Variants in NXPE4 observed in about 807,000 individuals in gnomAD.
NXPE4 encodes neurexophilin and PC-esterase domain family member 4, also known as NXPE family member 4.
Under a neutral mutation model 33.3 loss-of-function variants are expected in NXPE4, and 42 were observed. The observed-to-expected ratio is 1.26, with a 90% confidence interval of 0.98 to 1.63. The LOEUF (loss-of-function observed/expected upper bound fraction) is 1.63, where lower values mean the gene tolerates loss of function less well. Ranked by LOEUF, NXPE4 falls within the 40% of genes most tolerant of loss-of-function variation. The pLI is 0.00. For synonymous variants in NXPE4, 253 were observed against 234.9 expected (o/e 1.08, Z -0.71); for missense variants, 709 against 647.6 (o/e 1.09, Z -1.03).
the NXPE4 span, among the ~76,000 whole-genome samples, chr11:114,674,543 T>A: frequency 6.7e-6 from 1 of 149,428 alleles, no homozygotes; most frequent in Non-Finnish European, 1.5e-5. Context: ...GTAGATAACA[T>A]GAAAGATAAG....
chr11:114,651,452 T>C, the NXPE4 span, among the ~76,000 whole-genome samples: 3 of 152,140 alleles, frequency 2.0e-5, no homozygotes, highest in Non-Finnish European at 1.5e-5. Flanking sequence ...ATAAAGGTAG[T>C]GTGGACCCAA....
At chr11:114,654,172 C>T in the NXPE4 span, among the ~76,000 whole-genome samples, 1 of 152,064 alleles carries the variant, frequency 6.6e-6, no homozygotes, top group Non-Finnish European at 1.5e-5. Context: ...ATTGAAGTCT[C>T]TTTATCACTG....
chr11:114,633,372 T>C, the NXPE4 span, among the ~76,000 whole-genome samples: 1 of 143,998 alleles, frequency 6.9e-6, no homozygotes, highest in Non-Finnish European at 1.5e-5. Context: ...CTATATAATA[T>C]ATTATGTATT....
At chr11:114,653,594 C>T in the NXPE4 span, among the ~76,000 whole-genome samples, 1 of 139,302 alleles carries the variant, frequency 7.2e-6, no homozygotes, top group African/African-American at 2.7e-5. Context: ...GTGGCACGAT[C>T]TCGGCTCACT....
At chr11:114,640,193 TTATA>T in the NXPE4 span, among the ~76,000 whole-genome samples, 32 of 133,236 alleles carry the variant, frequency 2.4e-4, no homozygotes, top group Non-Finnish European at 4.3e-4. Context: ...TATATATAAT[TTATA>T]TATATTATAT....
chr11:114,653,002 CTG>C, the NXPE4 span, among the ~76,000 whole-genome samples: 1 of 152,152 alleles, frequency 6.6e-6, no homozygotes. Context: ...TTTGCAACCT[CTG>C]TGTAAAATCT....
At chr11:114,637,147 C>T in the NXPE4 span, among the ~76,000 whole-genome samples, 5,910 of 151,624 alleles carry the variant, frequency 0.039, 190 homozygotes, top group Middle Eastern at 0.092. Flanking sequence ...CTAGGTGCTC[C>T]TGTATTGGGT....
chr11:114,638,653 C>T, the NXPE4 span, among the ~76,000 whole-genome samples: 1 of 152,006 alleles, frequency 6.6e-6, no homozygotes, highest in African/African-American at 2.4e-5. Flanking sequence ...GTGTGGATGT[C>T]CTTTCTGTTT....
intron 2 of NXPE4, among the ~76,000 whole-genome samples, chr11:114,588,243 C>T (rs2135266955): frequency 6.6e-6 from 1 of 152,270 alleles, no homozygotes; most frequent in East Asian, 1.9e-4. Context: ...CTCCAAAACT[C>T]CCCACTCCCC....
At chr11:114,579,608 G>A (rs985934721) in intron 5 of NXPE4, among the ~76,000 whole-genome samples, 2 of 152,160 alleles carry the variant, frequency 1.3e-5, no homozygotes, top group African/African-American at 2.4e-5. Context: ...GAGAAGTTAT[G>A]TAAGAAACAA....
At chr11:114,610,019 T>A in the NXPE4 span, among the ~76,000 whole-genome samples, 2 of 151,712 alleles carry the variant, frequency 1.3e-5, no homozygotes, top group Non-Finnish European at 2.9e-5. Flanking sequence ...ATAATACATG[T>A]TGCCTCGTGG....
chr11:114,643,744 CT>C, the NXPE4 span, among the ~76,000 whole-genome samples: 4 of 151,546 alleles, frequency 2.6e-5, no homozygotes, highest in Admixed American at 2.6e-4. Flanking sequence ...TATATGGGCT[CT>C]TTTTTGGTAC....
At chr11:114,614,752 G>T in the NXPE4 span, among the ~76,000 whole-genome samples, 20 of 151,080 alleles carry the variant, frequency 1.3e-4, no homozygotes, top group African/African-American at 4.9e-4. Context: ...TTACCCAGTG[G>T]ATAATAAGTG....
Position 114,594,718 on chromosome 11 carries a change from C to T in NXPE4, c.42G>A (p.Leu14=), listed in dbSNP as rs1457539327. Residue 14 remains leucine (L), a synonymous_variant, in exon 2 of 6, where the codon CTG becomes CTA. Transcript: ENST00000375478. Reference sequence around the variant, plus strand: ...TGATCCAGGAGGCTAATATAAACAACAGTGCCAATAGTGACTTATAATTTA... The same window carrying T: ...TGATCCAGGAGGCTAATATAAACAATAGTGCCAATAGTGACTTATAATTTA... ...SMINYKSLLA[L]LFILASWIIF... The T allele has an allele frequency of 6.2e-7, 1 of 1,601,730 alleles. No individual in the cohort carries two copies. Among genetic ancestry groups the T allele is most frequent in the East Asian group, 2.2e-5 (1 of 44,744 alleles).
chr11:114,650,627 G>A, the NXPE4 span, among the ~76,000 whole-genome samples: 1 of 152,160 alleles, frequency 6.6e-6, no homozygotes, highest in African/African-American at 2.4e-5. Flanking sequence ...TCTATCCCTA[G>A]GGAAGGGGCA....
At chr11:114,607,897 T>C in the NXPE4 span, among the ~76,000 whole-genome samples, 1 of 151,938 alleles carries the variant, frequency 6.6e-6, no homozygotes, top group African/African-American at 2.4e-5. Context: ...GCCTCGTGGG[T>C]AACCACAGTT....
chr11:114,661,191 G>A, the NXPE4 span, among the ~76,000 whole-genome samples: 1 of 152,092 alleles, frequency 6.6e-6, no homozygotes, highest in Non-Finnish European at 1.5e-5. Context: ...TTGATCTATA[G>A]ATTCAATAAA....
the NXPE4 span, among the ~76,000 whole-genome samples, chr11:114,629,816 A>G: frequency 6.6e-6 from 1 of 151,098 alleles, no homozygotes; most frequent in African/African-American, 2.4e-5. Context: ...AAGCAACTTC[A>G]GCAAAGTCTC....
At chr11:114,617,464 C>T in the NXPE4 span, among the ~76,000 whole-genome samples, 1 of 151,490 alleles carries the variant, frequency 6.6e-6, no homozygotes, top group Non-Finnish European at 1.5e-5. Flanking sequence ...CCACTGTTAT[C>T]TGCTGGATAT....
Sources: gnomAD v4.1 joint callset for allele counts (sites outside exome capture counted in the v4.1 genomes callset) on GRCh38, gnomAD v4.1.1 for gene constraint, MANE v1.5 for transcripts, NCBI Gene and HGNC (gene_info 2026-07-23, HGNC 2026-07-21) for gene names.